The following TMEM9 variants were observed in gnomAD, a reference collection of about 807,000 sequenced individuals.
TMEM9 encodes transmembrane protein 9, also known as proton-transporting V-type ATPase complex assembly regulator TMEM9.
A neutral mutation model predicts 22.8 loss-of-function variants in TMEM9; 13 were observed. The ratio of observed to expected loss-of-function variants is 0.57; its 90% confidence interval spans 0.37 to 0.91. The LOEUF is 0.91. Among genes scored for constraint, TMEM9 ranks in the 40% least tolerant of loss-of-function variants. The probability of loss-of-function intolerance (pLI) is 0.01; values close to 1 mark genes in which losing one functional copy is unlikely to be tolerated. For missense variants in TMEM9, 182 were observed against 238.1 expected (o/e 0.76, Z 1.55); for synonymous variants, 88 against 93.0 (o/e 0.95, Z 0.31).
At chr1:201,159,446 C>T (rs377386269), upstream of TMEM9, among the ~76,000 whole-genome samples, 27 of 151,834 alleles carry the variant, frequency 1.8e-4, no homozygotes, top group East Asian at 7.8e-4. Context: ...TGGACAAGCA[C>T]GCTGTTTTTG....
At chr1:201,149,018 G>T (rs961337719) in intron 2 of TMEM9, among the ~76,000 whole-genome samples, 6 of 152,224 alleles carry the variant, frequency 3.9e-5, no homozygotes, top group Admixed American at 2.0e-4. Context: ...GCTACACTGG[G>T]TCCTGGGTCT....
chr1:201,153,763 C>A (rs1665619115), intron 1 of TMEM9, 95 bp downstream of exon 1: 2 of 1,581,988 alleles, frequency 1.3e-6, no homozygotes, highest in African/African-American at 1.4e-5. Context: ...GAGAGGCAGG[C>A]TTAAGGAGCA....
At chr1:201,153,043 A>G (rs556129406) in intron 1 of TMEM9, among the ~76,000 whole-genome samples, 58 of 152,222 alleles carry the variant, frequency 3.8e-4, no homozygotes, top group Non-Finnish European at 6.9e-4. Flanking sequence ...ACCTAAAAAA[A>G]TACTGTGCAC....
In TMEM9 at chr1:201,165,757, G is replaced by A. The variant is rs572455681; in HGVS notation, c.-37+5733C>T. ...GCCAATTGTCCTTTAATTTTAAAGGGTGGGACCTTGCTTAGCCAGAATGGC... is the reference window on the plus strand; with the variant it reads ...GCCAATTGTCCTTTAATTTTAAAGGATGGGACCTTGCTTAGCCAGAATGGC... On this transcript the variant is annotated intron_variant, in intron 1 of 5. Transcript: ENST00000367333. Among the ~76,000 whole-genome samples the A allele has an allele frequency of 1.5e-3, 230 of 152,242 alleles. 3 individuals carry two copies. Among genetic ancestry groups the A allele is most frequent in the Non-Finnish European group, 2.8e-4 (19 of 68,020 alleles).
rs923113385 is a variant in TMEM9, at chr1:201,134,931, G to T, written c.*732C>A. On this transcript the variant is annotated 3_prime_UTR_variant, in exon 5 of 5. Transcript: ENST00000367330. Reference sequence around the variant, plus strand: ...GGTGTTCAGATCCACGCTCAGCCTCGAGTCTCATGTTCCAACCGACCGTCT... The same window carrying T: ...GGTGTTCAGATCCACGCTCAGCCTCTAGTCTCATGTTCCAACCGACCGTCT... 1 of 152,784 alleles carries T rather than the reference G, an allele frequency of 6.5e-6. No individual in the cohort carries two copies. The highest frequency in any genetic ancestry group is 6.5e-5 in the Admixed American group (1 of 15,282). The allele number at this position is 152,784 out of a possible 1,614,324, so 9.5% of individuals were successfully genotyped here.
intron 1 of TMEM9, chr1:201,153,643 G>A: frequency 3.8e-6 from 4 of 1,056,950 alleles, no homozygotes; most frequent in East Asian, 5.4e-5. Flanking sequence ...GAGTGAGCCA[G>A]TGCTCTGTGC....
chr1:201,137,673 A>G (rs887025837), intron 4 of TMEM9, among the ~76,000 whole-genome samples: 12 of 152,258 alleles, frequency 7.9e-5, no homozygotes, highest in Non-Finnish European at 1.5e-4. Context: ...TAAGATTAGT[A>G]GATGGGTATG....
chr1:201,156,910 AC>A (rs1665811634), upstream of TMEM9, among the ~76,000 whole-genome samples: 1 of 152,262 alleles, frequency 6.6e-6, no homozygotes, highest in Non-Finnish European at 1.5e-5. Flanking sequence ...CTAATAGCAG[AC>A]CAATCACATG....
chr1:201,154,486 C>T (rs981637974), upstream of TMEM9: 1 of 155,944 alleles, frequency 6.4e-6, no homozygotes, highest in Non-Finnish European at 1.4e-5. Flanking sequence ...GTTGTCCCCG[C>T]CCTCTCCTAG....
chr1:201,141,391 G>A (rs1479579661), intron 4 of TMEM9, among the ~76,000 whole-genome samples: 2 of 152,154 alleles, frequency 1.3e-5, no homozygotes, highest in Non-Finnish European at 2.9e-5. Context: ...CTGTGACCTG[G>A]AGACCACACA....
intron 2 of TMEM9, among the ~76,000 whole-genome samples, chr1:201,149,512 C>T (rs1036892131): frequency 1.3e-5 from 2 of 152,234 alleles, no homozygotes; most frequent in Non-Finnish European, 2.9e-5. Context: ...AACACATCTC[C>T]TTGCCGGACC....
intron 4 of TMEM9, 89 bp from the exon 5 acceptor site, chr1:201,135,904 C>T: frequency 7.3e-7 from 1 of 1,363,700 alleles, no homozygotes; most frequent in Middle Eastern, 1.9e-4. Flanking sequence ...AGAACGAACC[C>T]CAAAGCCTTA....
chr1:201,148,165 G>A (rs977241217), intron 2 of TMEM9, among the ~76,000 whole-genome samples: 1 of 152,178 alleles, frequency 6.6e-6, no homozygotes, highest in African/African-American at 2.4e-5. Context: ...AAGATCATAG[G>A]TTCCACATCT....
upstream of TMEM9, among the ~76,000 whole-genome samples, chr1:201,155,720 G>T (rs1044316654): frequency 2.6e-5 from 4 of 152,182 alleles, no homozygotes; most frequent in Non-Finnish European, 5.9e-5. Context: ...AATTTGGGTG[G>T]TTTCCTTTAG....
At chr1:201,170,743 G>C (rs1400468546) in intron 1 of TMEM9, among the ~76,000 whole-genome samples, 1 of 152,198 alleles carries the variant, frequency 6.6e-6, no homozygotes, top group East Asian at 1.9e-4. Context: ...GTTGAACAGG[G>C]TGGCGCCGGC....
Position 201,153,842 on chromosome 1 carries a change from G to A in TMEM9, c.66+16C>T, listed in dbSNP as rs1213238563. ...ACTGTGGTCGTGACCAGGTGCTGCA[G>A]GCTCACCTCCCTCACCTTGTTGGCT... On this transcript the variant is annotated intron_variant, in intron 1 of 4. Coordinates refer to ENST00000367330, the MANE Select transcript of TMEM9 (RefSeq NM_001288565.2). The A allele has an allele frequency of 4.3e-6, 7 of 1,613,978 alleles. No homozygotes were observed. Among genetic ancestry groups the A allele is most frequent in the Non-Finnish European group, 5.9e-6 (7 of 1,180,016 alleles).
rs1665657741 is a variant in TMEM9 at position 201,154,107 on chromosome 1, T to G, written c.-184A>C. 1.5e-6 allele frequency: 1 copy of G among 681,478 alleles called. No individual in the cohort carries two copies. Among genetic ancestry groups the G allele is most frequent in the African/African-American group, 1.8e-5 (1 of 54,252 alleles). The allele number at this position is 681,478 out of a possible 1,614,324, so 42.2% of individuals were successfully genotyped here. ...CCTGCTAAACCTGGTCGCCAAACCC[T>G]GCTTCCCTCCCGCCCAACTCTCCGG... On this transcript the variant is annotated 5_prime_UTR_variant, in exon 1 of 5. Coordinates refer to ENST00000367330, the MANE Select transcript of TMEM9 (RefSeq NM_001288565.2).
Position 201,171,406 on chromosome 1 carries a change from T to C in TMEM9, c.-37+84A>G, listed in dbSNP as rs1486408243. 6 of 152,232 alleles carry C rather than the reference T, an allele frequency of 3.9e-5. 1 individual carries two copies. Among genetic ancestry groups the C allele is most frequent in the Admixed American group, 3.9e-4 (6 of 15,284 alleles). The allele number at this position is 152,232 out of a possible 1,614,324, so 9.4% of individuals were successfully genotyped here. On this transcript the variant is annotated intron_variant, in intron 1 of 5. Transcript: ENST00000367333. ...AGGGAGGGGCAGGAGGCTGGGTCCT[T>C]CTGATCCCAGAAGACATAGCAGCAC...
chr1:201,152,043 G>A (rs945170035), intron 1 of TMEM9, among the ~76,000 whole-genome samples, 191 bp from the exon 2 acceptor site: 7 of 152,138 alleles, frequency 4.6e-5, no homozygotes, highest in South Asian at 2.1e-4. Flanking sequence ...CTGCAGCACC[G>A]GGTCCTAAAG....
Sources: gnomAD v4.1 joint callset for allele counts (sites outside exome capture counted in the v4.1 genomes callset) on GRCh38, gnomAD v4.1.1 for gene constraint, MANE v1.5 for transcripts, NCBI Gene and HGNC (gene_info 2026-07-23, HGNC 2026-07-21) for gene names.